SEMA6D: variants seen among roughly 807,000 people sequenced by gnomAD.
SEMA6D encodes semaphorin 6D.
A neutral mutation model predicts 106.6 loss-of-function variants in SEMA6D; 35 were observed. The observed-to-expected ratio is 0.33, with a 90% CI of 0.25 to 0.44. The LOEUF is 0.44. Ranked by LOEUF, SEMA6D falls within the 20% of genes least tolerant of loss-of-function variation. The probability of loss-of-function intolerance (pLI) is 1.00; values close to 1 mark genes in which losing one functional copy is unlikely to be tolerated. For synonymous variants in SEMA6D, 499 were observed against 487.7 expected, an observed-to-expected ratio of 1.02 and a Z score of -0.31; for missense variants, 1,185 against 1,345.9, an observed-to-expected ratio of 0.88 and a Z score of 1.87.
At chr15:47,202,204 A>G (rs561487630) in intron 1 of SEMA6D, among the ~76,000 whole-genome samples, 4 of 151,966 alleles carry the variant, frequency 2.6e-5, no homozygotes, top group Non-Finnish European at 5.9e-5. Flanking sequence ...GGCGACCATC[A>G]GGTGATTGTC....
At chr15:47,264,975 G>A (rs1233965328) in intron 1 of SEMA6D, among the ~76,000 whole-genome samples, 1 of 151,874 alleles carries the variant, frequency 6.6e-6, no homozygotes, top group East Asian at 1.9e-4. Flanking sequence ...ATTTGATCAT[G>A]ATACACAATT....
intron 4 of SEMA6D, among the ~76,000 whole-genome samples, chr15:47,688,770 G>A (rs2078523815): frequency 6.6e-6 from 1 of 152,130 alleles, no homozygotes; most frequent in Admixed American, 6.5e-5. Flanking sequence ...TTTCTTCACT[G>A]AAAGATGAGG....
chr15:47,733,779 A>G (rs1040392197), intron 1 of SEMA6D, among the ~76,000 whole-genome samples: 1 of 152,222 alleles, frequency 6.6e-6, no homozygotes, highest in African/African-American at 2.4e-5. Flanking sequence ...TCACTAAGTT[A>G]TAGTAGTTTT....
intron 2 of SEMA6D, among the ~76,000 whole-genome samples, chr15:47,440,914 A>G (rs990072614): frequency 2.0e-5 from 3 of 152,060 alleles, no homozygotes; most frequent in Admixed American, 6.6e-5. Flanking sequence ...TATATTTATA[A>G]TTCTTTCTTT....
At chr15:47,669,485 A>C (rs1018706300) in intron 4 of SEMA6D, among the ~76,000 whole-genome samples, 3 of 152,152 alleles carry the variant, frequency 2.0e-5, no homozygotes, top group Non-Finnish European at 4.4e-5. Flanking sequence ...TTCCCATCCC[A>C]AAACTCCAAA....
At chr15:47,387,401 G>T (rs1010616756) in intron 1 of SEMA6D, among the ~76,000 whole-genome samples, 2 of 152,190 alleles carry the variant, frequency 1.3e-5, no homozygotes, top group Non-Finnish European at 2.9e-5. Context: ...TTCAACCCTG[G>T]ATTTGCCCAT....
At chr15:47,399,631 C>G (rs1445759247) in intron 1 of SEMA6D, 1 of 152,162 alleles carries the variant, frequency 6.6e-6, no homozygotes, top group Non-Finnish European at 1.5e-5. Flanking sequence ...GAACTTATGC[C>G]CCTCAGCAAG....
intron 1 of SEMA6D, among the ~76,000 whole-genome samples, chr15:47,343,044 T>G (rs1384903832): frequency 6.6e-6 from 1 of 152,096 alleles, no homozygotes; most frequent in Non-Finnish European, 1.5e-5. Flanking sequence ...CTAATATGTT[T>G]GCTTCTTTGC....
intron 4 of SEMA6D, among the ~76,000 whole-genome samples, chr15:47,648,246 C>T (rs569861102): frequency 2.6e-5 from 4 of 152,276 alleles, no homozygotes; most frequent in African/African-American, 9.6e-5. Flanking sequence ...CACATTCTCT[C>T]CATGTCTGCA....
chr15:47,740,422 A>G (rs1195772320), intron 1 of SEMA6D, among the ~76,000 whole-genome samples: 1 of 152,074 alleles, frequency 6.6e-6, no homozygotes, highest in Non-Finnish European at 1.5e-5. Context: ...CGGGAGGCTG[A>G]GGCAGGAGGA....
In SEMA6D at chr15:47,771,956, C is replaced by T; in HGVS notation, c.*171C>T. 1.6e-6 allele frequency: 1 copy of T among 641,898 alleles called. No individual in the cohort carries two copies. The highest frequency in any genetic ancestry group is 2.9e-5 in the Admixed American group (1 of 34,534). The allele number at this position is 641,898 out of a possible 1,614,324, so 39.8% of individuals were successfully genotyped here. Reference sequence around the variant, plus strand: ...CAGAACTTGCCACATGTAGCTACTGCAGCAAGGCTTCTGTGTACTTGCCTG... The same window carrying T: ...CAGAACTTGCCACATGTAGCTACTGTAGCAAGGCTTCTGTGTACTTGCCTG... On this transcript the variant is annotated 3_prime_UTR_variant, in exon 19 of 19. Coordinates refer to ENST00000536845, the MANE Select transcript of SEMA6D (RefSeq NM_001358351.3).
At chr15:47,591,637 C>G (rs1369740470) in intron 3 of SEMA6D, among the ~76,000 whole-genome samples, 1 of 152,100 alleles carries the variant, frequency 6.6e-6, no homozygotes, top group East Asian at 1.9e-4. Context: ...AGGATAGGCT[C>G]CAGAATTTAA....
chr15:47,302,908 A>T (rs2036077995), intron 1 of SEMA6D, among the ~76,000 whole-genome samples: 1 of 152,172 alleles, frequency 6.6e-6, no homozygotes, highest in African/African-American at 2.4e-5. Context: ...GATACATGGT[A>T]ATTTATTATA....
chr15:47,284,098 G>C (rs533903081), intron 1 of SEMA6D, among the ~76,000 whole-genome samples: 25 of 152,098 alleles, frequency 1.6e-4, no homozygotes, highest in African/African-American at 5.8e-4. Context: ...TCTCCCTTAC[G>C]CACAACACAT....
chr15:47,446,142 G>A (rs1412496569), intron 2 of SEMA6D, among the ~76,000 whole-genome samples: 1 of 152,124 alleles, frequency 6.6e-6, no homozygotes, highest in African/African-American at 2.4e-5. Context: ...GGAAGGGCAG[G>A]CTTGCTCATC....
intron 1 of SEMA6D, among the ~76,000 whole-genome samples, chr15:47,221,369 G>T (rs897185099): frequency 6.6e-6 from 1 of 152,120 alleles, no homozygotes; most frequent in African/African-American, 2.4e-5. Flanking sequence ...GATGTTAAAG[G>T]CTTCCCTGTT....
chr15:47,391,988 C>T (rs962449242), intron 1 of SEMA6D, among the ~76,000 whole-genome samples: 1 of 152,066 alleles, frequency 6.6e-6, no homozygotes, highest in East Asian at 1.9e-4. Context: ...ACTTAATTCC[C>T]AACACCCACC....
intron 1 of SEMA6D, among the ~76,000 whole-genome samples, chr15:47,723,215 T>G (rs1208257608): frequency 6.6e-6 from 1 of 152,198 alleles, no homozygotes; most frequent in Non-Finnish European, 1.5e-5. Context: ...CTAAATCACA[T>G]TGTTATACTT....
At chr15:47,220,608 C>T (rs1009415880) in intron 1 of SEMA6D, among the ~76,000 whole-genome samples, 2 of 152,110 alleles carry the variant, frequency 1.3e-5, no homozygotes, top group African/African-American at 2.4e-5. Flanking sequence ...CTCAAATTGT[C>T]TTATTAAAAA....
Sources: allele counts gnomAD v4.1 joint callset (sites outside exome capture counted in the v4.1 genomes callset), GRCh38; gene constraint gnomAD v4.1.1; transcripts MANE v1.5; gene names NCBI Gene and HGNC (gene_info 2026-07-23, HGNC 2026-07-21).